The following ME1 variants were observed in gnomAD, a reference collection of about 807,000 sequenced individuals.
ME1 encodes NADP-dependent malic enzyme.
ME1 carries 74 observed loss-of-function variants against 66.4 expected under a neutral mutation model. That is an observed-to-expected ratio of 1.11 (90% CI 0.92 to 1.35). The LOEUF is 1.35. ME1 is among the 40% of genes most tolerant of loss of function. The pLI, the probability that ME1 is intolerant of heterozygous loss-of-function variation, is 0.00. For missense variants in ME1, 750 were observed against 694.1 expected, an observed-to-expected ratio of 1.08 and a Z score of -0.90; for synonymous variants, 251 against 235.6, an observed-to-expected ratio of 1.07 and a Z score of -0.60.
At chr6:83,298,982 T>C (rs1207646678) in intron 6 of ME1, among the ~76,000 whole-genome samples, 1 of 130,574 alleles carries the variant, frequency 7.7e-6, no homozygotes, top group African/African-American at 2.8e-5. Flanking sequence ...ACCAGTACTA[T>C]GCTGTTTTGG....
At chr6:83,393,150 GA>G in intron 3 of ME1, 1 of 1,336,782 alleles carries the variant, frequency 7.5e-7, no homozygotes, top group Non-Finnish European at 1.1e-6. Context: ...CTGCCGTCTG[GA>G]AAAACCTACC....
chr6:83,347,979 A>G (rs1322540371), intron 4 of ME1, among the ~76,000 whole-genome samples: 1 of 152,212 alleles, frequency 6.6e-6, no homozygotes, highest in East Asian at 1.9e-4. Flanking sequence ...ATTGCAGAAT[A>G]TATTTTAAAA....
chr6:83,411,426 T>G (rs1028530678), intron 1 of ME1, among the ~76,000 whole-genome samples: 3 of 152,060 alleles, frequency 2.0e-5, no homozygotes, highest in African/African-American at 7.2e-5. Context: ...CTTTACAAGT[T>G]AAAAGAACAT....
chr6:83,287,483 T>C (rs1767417397), intron 6 of ME1, among the ~76,000 whole-genome samples: 1 of 152,238 alleles, frequency 6.6e-6, no homozygotes, highest in Non-Finnish European at 1.5e-5. Flanking sequence ...GAACATGAAC[T>C]CATCATTTTT....
At chr6:83,350,451 A>G (rs926999032) in intron 4 of ME1, among the ~76,000 whole-genome samples, 3 of 152,022 alleles carry the variant, frequency 2.0e-5, no homozygotes, top group Non-Finnish European at 4.4e-5. Flanking sequence ...TCCTCTATTG[A>G]CTTGTTAATT....
At chr6:83,321,545 C>A (rs191026392) in intron 5 of ME1, among the ~76,000 whole-genome samples, 1 of 152,222 alleles carries the variant, frequency 6.6e-6, no homozygotes, top group East Asian at 1.9e-4. Context: ...GAAGTTTGGA[C>A]TGGGTGAAGC....
In ME1 at chr6:83,354,120, C is replaced by T. The variant is rs148959880; in HGVS notation, c.363-1981G>A. ...GCTACACTCACTGATGTAACTTAAG[C>T]ACTCTCATGGTTGGTTGTTTATTTT... On this transcript the variant is annotated intron_variant, in intron 3 of 13. Coordinates refer to ENST00000369705, the MANE Select transcript of ME1 (RefSeq NM_002395.6). Among the ~76,000 whole-genome samples, 225 of 152,122 alleles carry T rather than the reference C, an allele frequency of 1.5e-3. 5 individuals are homozygous for T. In the East Asian group the frequency reaches 0.034, roughly 23 times the overall value.
intron 1 of ME1, among the ~76,000 whole-genome samples, chr6:83,408,787 G>A (rs1764889273): frequency 6.6e-6 from 1 of 152,168 alleles, no homozygotes; most frequent in African/African-American, 2.4e-5. Flanking sequence ...AGTCCCTCTG[G>A]AGAGGCATCT....
At chr6:83,406,971 T>TACACAC (rs59788379) in intron 2 of ME1, among the ~76,000 whole-genome samples, 5,270 of 143,902 alleles carry the variant, frequency 0.037, 114 homozygotes, top group South Asian at 0.068. Flanking sequence ...TTTTCATTCA[T>TACACAC]ACACACACAC....
intron 3 of ME1, chr6:83,392,310 A>G (rs1769636886): frequency 1.9e-6 from 1 of 516,134 alleles, no homozygotes; most frequent in Non-Finnish European, 3.8e-6. Context: ...AACACTGTCT[A>G]CATGTTCCAG....
In ME1 at chr6:83,428,233, C is replaced by A. The variant is rs572648016; in HGVS notation, c.78+2644G>T. ...TCAGCAAATATATTTTAAGTGGAAGCCTACATTGGGGAACGAATAAGATAA... is the reference window on the plus strand; with the variant it reads ...TCAGCAAATATATTTTAAGTGGAAGACTACATTGGGGAACGAATAAGATAA... On this transcript the variant is annotated intron_variant, in intron 1 of 13. Coordinates refer to ENST00000369705, the MANE Select transcript of ME1 (RefSeq NM_002395.6). Among the ~76,000 whole-genome samples the A allele has an allele frequency of 5.9e-5, 9 of 152,034 alleles. No individual in the cohort carries two copies. In the South Asian group the frequency reaches 1.9e-3, roughly 32 times the overall value.
chr6:83,257,209 A>T (rs1180189), intron 6 of ME1, among the ~76,000 whole-genome samples: 35,719 of 151,490 alleles, frequency 0.24, 4,438 homozygotes, highest in Middle Eastern at 0.37. Context: ...AAATAAATAA[A>T]AAATAAATAA....
At chr6:83,361,158 G>A (rs144756278) in intron 3 of ME1, among the ~76,000 whole-genome samples, 191 of 152,310 alleles carry the variant, frequency 1.3e-3, no homozygotes, top group African/African-American at 4.3e-3. Context: ...CAAACACACC[G>A]AATGTATTGG....
At chr6:83,331,323 C>T (rs1583385851) in intron 5 of ME1, among the ~76,000 whole-genome samples, 1 of 152,044 alleles carries the variant, frequency 6.6e-6, no homozygotes, top group East Asian at 1.9e-4. Flanking sequence ...GGTGCGGTGG[C>T]TCACGTCTGT....
intron 6 of ME1, among the ~76,000 whole-genome samples, chr6:83,309,522 G>C (rs928942252): frequency 6.6e-6 from 1 of 152,128 alleles, no homozygotes; most frequent in Non-Finnish European, 1.5e-5. Context: ...TGCAACAGGA[G>C]CAGGGCTGGG....
chr6:83,327,458 G>C (rs1470925997), intron 5 of ME1, among the ~76,000 whole-genome samples: 2 of 151,970 alleles, frequency 1.3e-5, no homozygotes, highest in South Asian at 2.1e-4. Flanking sequence ...CTCTGAACTG[G>C]CCCCCCCGGG....
intron 9 of ME1, among the ~76,000 whole-genome samples, chr6:83,236,083 C>T (rs1790397346): frequency 6.6e-6 from 1 of 151,206 alleles, no homozygotes; most frequent in Non-Finnish European, 1.5e-5. Flanking sequence ...GTTTTTTTCA[C>T]CTAACATTAT....
At chr6:83,237,332 G>A (rs9449598) in intron 9 of ME1, among the ~76,000 whole-genome samples, 1 of 130,416 alleles carries the variant, frequency 7.7e-6, no homozygotes, top group Non-Finnish European at 1.6e-5. Context: ...AGGAAAGGAA[G>A]GAAGGAAGGA....
intron 1 of ME1, among the ~76,000 whole-genome samples, chr6:83,421,678 C>G (rs888688764): frequency 3.9e-5 from 6 of 152,034 alleles, no homozygotes; most frequent in Non-Finnish European, 7.4e-5. Context: ...TGATTGTGTA[C>G]AAAGACTGCC....
Sources: gnomAD v4.1 joint callset for allele counts (sites outside exome capture counted in the v4.1 genomes callset) on GRCh38, gnomAD v4.1.1 for gene constraint, MANE v1.5 for transcripts, NCBI Gene and HGNC (gene_info 2026-07-23, HGNC 2026-07-21) for gene names.